The following GABRB1 variants were observed in gnomAD, a reference collection of about 807,000 sequenced individuals.
GABRB1 encodes the protein gamma-aminobutyric acid type A receptor subunit beta1.
In GABRB1, 17 loss-of-function variants were observed where a neutral mutation model predicts 51.6. The observed-to-expected ratio is 0.33, with a 90% confidence interval of 0.23 to 0.49. The LOEUF (loss-of-function observed/expected upper bound fraction) is 0.49. Ranked by LOEUF, GABRB1 falls within the 20% of genes least tolerant of loss-of-function variation. GABRB1 has a pLI of 0.99. For missense variants in GABRB1, 410 were observed against 600.6 expected (o/e 0.68, Z 3.32); for synonymous variants, 247 against 218.9 (o/e 1.13, Z -1.14).
intron 4 of GABRB1, among the ~76,000 whole-genome samples, chr4:47,187,989 C>A (rs886985078): frequency 6.6e-6 from 1 of 151,872 alleles, no homozygotes; most frequent in Non-Finnish European, 1.5e-5. Flanking sequence ...GTCCTCTTAC[C>A]CTGATTTGTT....
At chr4:47,177,786 A>T (rs1242946328) in intron 4 of GABRB1, among the ~76,000 whole-genome samples, 1 of 150,492 alleles carries the variant, frequency 6.6e-6, no homozygotes, top group East Asian at 2.0e-4. Context: ...AATTCCTATG[A>T]GAACTATTAT....
chr4:47,162,939 C>T (rs915185306), intron 4 of GABRB1, among the ~76,000 whole-genome samples: 2 of 152,078 alleles, frequency 1.3e-5, no homozygotes, highest in Non-Finnish European at 2.9e-5. Context: ...AAGAGCCTCA[C>T]ACTAGTTCTC....
intron 2 of GABRB1, 110 bp from the exon 3 acceptor site, chr4:47,032,307 C>A: frequency 4.0e-6 from 4 of 1,009,950 alleles, no homozygotes; most frequent in Non-Finnish European, 5.9e-6. Context: ...GTGGGGGGAG[C>A]AGGGAGGGAG....
chr4:47,115,831 T>C (rs985129319), intron 3 of GABRB1, among the ~76,000 whole-genome samples: 1 of 152,236 alleles, frequency 6.6e-6, no homozygotes, highest in African/African-American at 2.4e-5. Context: ...TTTCCATTTC[T>C]CATATATTCA....
Position 47,426,428 on chromosome 4 carries a change from C to CAAAAAA in GABRB1, c.*424_*429dup, listed in dbSNP as rs59682924. 1.2e-5 allele frequency: 1 copy of CAAAAAA among 84,826 alleles called. No homozygotes were observed. The highest frequency in any genetic ancestry group is 3.9e-4 in the East Asian group (1 of 2,546). 5.3% of individuals were successfully genotyped at this position (84,826 alleles called of 1,614,324 possible). A position where few individuals can be genotyped will look rare whatever the true frequency, so the allele number is the denominator to read the frequency against. Reference sequence around the variant, plus strand: ...GTAAACTATAACAAACTTATGCTGCCAAAAAAAAAAAAAAAAAAACATAAA... The same window carrying CAAAAAA: ...GTAAACTATAACAAACTTATGCTGCCAAAAAAAAAAAAAAAAAAAAAAAAACATAAA... On this transcript the variant is annotated 3_prime_UTR_variant, in exon 9 of 9. Transcript: ENST00000295454.
At chr4:47,338,129 G>A (rs1725764962) in intron 5 of GABRB1, among the ~76,000 whole-genome samples, 1 of 151,884 alleles carries the variant, frequency 6.6e-6, no homozygotes, top group South Asian at 2.1e-4. Context: ...ATATCTCTTG[G>A]CTTCCACCTA....
chr4:47,381,900 A>C (rs916785920), intron 5 of GABRB1, among the ~76,000 whole-genome samples: 4 of 152,256 alleles, frequency 2.6e-5, no homozygotes, highest in Non-Finnish European at 5.9e-5. Context: ...AAGAGCAAAG[A>C]ATTTGCAAAA....
chr4:47,370,709 GA>G (rs1277497730), intron 5 of GABRB1, among the ~76,000 whole-genome samples: 2 of 152,290 alleles, frequency 1.3e-5, no homozygotes, highest in East Asian at 3.9e-4. Flanking sequence ...ACTAGAGACA[GA>G]CAATATTGAC....
intron 3 of GABRB1, among the ~76,000 whole-genome samples, chr4:47,114,501 C>A (rs1406987590): frequency 2.0e-5 from 3 of 152,148 alleles, no homozygotes; most frequent in Non-Finnish European, 2.9e-5. Flanking sequence ...TCTGGGCATG[C>A]AATATTAGGT....
chr4:47,345,046 T>C (rs1189351992), intron 5 of GABRB1, among the ~76,000 whole-genome samples: 6 of 152,134 alleles, frequency 3.9e-5, no homozygotes, highest in Non-Finnish European at 7.4e-5. Context: ...TAACTCTCAG[T>C]CTGTAAAATG....
intron 4 of GABRB1, among the ~76,000 whole-genome samples, chr4:47,202,245 C>T (rs1324284783): frequency 1.3e-5 from 2 of 152,138 alleles, no homozygotes; most frequent in African/African-American, 4.8e-5. Flanking sequence ...CTCTGCTCAG[C>T]GCTTCTCCAT....
chr4:47,141,627 C>G (rs1716940311), intron 3 of GABRB1, among the ~76,000 whole-genome samples: 1 of 151,956 alleles, frequency 6.6e-6, no homozygotes, highest in African/African-American at 2.4e-5. Flanking sequence ...AGTTGTATGT[C>G]TTTTTTAATT....
At position 47,069,328 on chromosome 4, in the gene GABRB1, TC is replaced by T. The variant is rs1420331014; in HGVS notation, c.240+36849del. On this transcript the variant is annotated intron_variant, in intron 3 of 8. Coordinates refer to ENST00000295454, the MANE Select transcript of GABRB1 (RefSeq NM_000812.4). ...ACTTTCTAGTTGAGACTTTTATTCC[TC>T]CCCCTTCAAAAATGAAATTATTTTC... Among the ~76,000 whole-genome samples, 3 of 152,120 alleles carry T rather than the reference TC, an allele frequency of 2.0e-5. No homozygotes were observed. In the East Asian group the frequency reaches 5.8e-4, roughly 29 times the overall value.
At chr4:47,099,324 A>G (rs984457570) in intron 3 of GABRB1, among the ~76,000 whole-genome samples, 1 of 152,080 alleles carries the variant, frequency 6.6e-6, no homozygotes, top group Non-Finnish European at 1.5e-5. Flanking sequence ...TGCTGTAGAG[A>G]ATAGAATGAT....
chr4:47,078,395 C>G (rs945045986), intron 3 of GABRB1, among the ~76,000 whole-genome samples: 1 of 152,128 alleles, frequency 6.6e-6, no homozygotes, highest in Non-Finnish European at 1.5e-5. Flanking sequence ...TTTCACTTAA[C>G]CCCACGTCCT....
At chr4:47,289,526 C>T (rs1271314090) in intron 4 of GABRB1, among the ~76,000 whole-genome samples, 2 of 152,140 alleles carry the variant, frequency 1.3e-5, no homozygotes, top group East Asian at 3.9e-4. Flanking sequence ...CTAACTCCAC[C>T]AAACAGAATT....
At chr4:47,336,305 G>A (rs1328204332) in intron 5 of GABRB1, among the ~76,000 whole-genome samples, 3 of 152,146 alleles carry the variant, frequency 2.0e-5, no homozygotes, top group Non-Finnish European at 4.4e-5. Flanking sequence ...CTCAAGAAGA[G>A]GTCCAAGTGC....
intron 1 of GABRB1, among the ~76,000 whole-genome samples, chr4:46,997,488 A>G (rs752137604): frequency 5.3e-5 from 8 of 151,626 alleles, no homozygotes; most frequent in Admixed American, 1.3e-4. Context: ...TTCAAGCTGT[A>G]TCTCCTAAAT....
At chr4:47,135,989 G>T (rs368131352) in intron 3 of GABRB1, among the ~76,000 whole-genome samples, 1 of 151,716 alleles carries the variant, frequency 6.6e-6, no homozygotes, top group African/African-American at 2.4e-5. Context: ...GGTTTTTGTG[G>T]GGTTTGTTTG....
Sources: gnomAD v4.1 joint callset for allele counts (sites outside exome capture counted in the v4.1 genomes callset) on GRCh38, gnomAD v4.1.1 for gene constraint, MANE v1.5 for transcripts, NCBI Gene and HGNC (gene_info 2026-07-23, HGNC 2026-07-21) for gene names.